Variants in CDH13 observed in about 807,000 individuals in gnomAD.
The protein encoded by CDH13 is cadherin-13.
Under a neutral mutation model 63.8 loss-of-function variants are expected in CDH13, and 24 were observed. The ratio of observed to expected loss-of-function variants is 0.38; its 90% CI spans 0.27 to 0.53. CDH13 has a LOEUF of 0.53. Ranked by LOEUF, CDH13 falls within the 20% of genes least tolerant of loss-of-function variation. The pLI is 0.85. For missense variants in CDH13, 1,049 were observed against 903.1 expected (o/e 1.16, Z -2.07); for synonymous variants, 503 against 355.3 (o/e 1.42, Z -4.67).
At chr16:83,534,314 C>T (rs1598241074) in intron 7 of CDH13, among the ~76,000 whole-genome samples, 2 of 152,316 alleles carry the variant, frequency 1.3e-5, no homozygotes, top group Middle Eastern at 6.8e-3. Context: ...CTTCATTTTT[C>T]AGCTTTGTGA....
chr16:82,729,733 G>T (rs1597422897), intron 1 of CDH13, among the ~76,000 whole-genome samples: 1 of 152,154 alleles, frequency 6.6e-6, no homozygotes. Flanking sequence ...TTGAAGCCAG[G>T]CAGTGACTTC....
chr16:83,568,837 C>T (rs562792869), intron 7 of CDH13, among the ~76,000 whole-genome samples: 2 of 152,166 alleles, frequency 1.3e-5, no homozygotes, highest in African/African-American at 4.8e-5. Flanking sequence ...GCTGTTCTGT[C>T]CTTTGAGGCC....
chr16:82,908,944 T>C (rs2041736312), intron 2 of CDH13, among the ~76,000 whole-genome samples: 1 of 152,178 alleles, frequency 6.6e-6, no homozygotes, highest in African/African-American at 2.4e-5. Flanking sequence ...AGGGTCACTT[T>C]TTCATACACA....
At chr16:83,514,320 C>A (rs1340119809) in intron 7 of CDH13, among the ~76,000 whole-genome samples, 8 of 152,184 alleles carry the variant, frequency 5.3e-5, no homozygotes, top group African/African-American at 1.9e-4. Flanking sequence ...AGGGTAGGCC[C>A]TACGTCCAGT....
intron 5 of CDH13, among the ~76,000 whole-genome samples, chr16:83,304,437 GT>G (rs113551848): frequency 7.3e-5 from 11 of 150,578 alleles, no homozygotes; most frequent in African/African-American, 2.7e-4. Flanking sequence ...TGATTATTCT[GT>G]TTTTTTTTCT....
chr16:83,470,009 C>T (rs1476829554), intron 6 of CDH13, among the ~76,000 whole-genome samples: 1 of 152,192 alleles, frequency 6.6e-6, no homozygotes, highest in East Asian at 1.9e-4. Context: ...TGGCCGTAGT[C>T]TCTGGGTGAT....
intron 2 of CDH13, among the ~76,000 whole-genome samples, chr16:82,972,978 G>T (rs1270194981): frequency 6.6e-6 from 1 of 152,204 alleles, no homozygotes; most frequent in Non-Finnish European, 1.5e-5. Context: ...TTACTTTAAT[G>T]ATTTGTTCTG....
chr16:83,432,638 C>T (rs991355497), intron 6 of CDH13, among the ~76,000 whole-genome samples: 1 of 152,144 alleles, frequency 6.6e-6, no homozygotes, highest in South Asian at 2.1e-4. Flanking sequence ...TGTCACTTCA[C>T]TCTGGGTGGA....
At chr16:82,700,579 C>G (rs1256522748) in intron 1 of CDH13, among the ~76,000 whole-genome samples, 2 of 151,568 alleles carry the variant, frequency 1.3e-5, no homozygotes, top group Admixed American at 6.6e-5. Flanking sequence ...ATGTCCATCC[C>G]CAGGGATTAA....
intron 2 of CDH13, among the ~76,000 whole-genome samples, chr16:82,972,648 G>A (rs58556368): frequency 0.088 from 13,438 of 152,202 alleles, 604 homozygotes; most frequent in African/African-American, 0.11. Flanking sequence ...TGCCTGTCAC[G>A]TGGTAAGCAT....
intron 4 of CDH13, among the ~76,000 whole-genome samples, chr16:83,155,569 A>G (rs2037173575): frequency 6.6e-6 from 1 of 152,094 alleles, no homozygotes; most frequent in African/African-American, 2.4e-5. Flanking sequence ...CAGTGCATAT[A>G]GCTAAAGTCA....
At chr16:83,411,795 A>T (rs962629343) in intron 6 of CDH13, among the ~76,000 whole-genome samples, 1 of 152,220 alleles carries the variant, frequency 6.6e-6, no homozygotes, top group Non-Finnish European at 1.5e-5. Flanking sequence ...CAAGGGTAGG[A>T]AACTAACAAG....
At chr16:83,187,178 C>T (rs2038552705) in intron 4 of CDH13, among the ~76,000 whole-genome samples, 1 of 152,122 alleles carries the variant, frequency 6.6e-6, no homozygotes, top group Non-Finnish European at 1.5e-5. Context: ...ACCATGTTGG[C>T]CTGGCTGGTC....
intron 3 of CDH13, among the ~76,000 whole-genome samples, chr16:83,058,983 G>A (rs1042432681): frequency 2.0e-5 from 3 of 152,042 alleles, no homozygotes; most frequent in Admixed American, 1.3e-4. Flanking sequence ...TGGATGTCCC[G>A]GTTTTACTGT....
intron 6 of CDH13, among the ~76,000 whole-genome samples, chr16:83,374,678 C>G (rs887860576): frequency 6.6e-6 from 1 of 152,154 alleles, no homozygotes; most frequent in Non-Finnish European, 1.5e-5. Flanking sequence ...GCTGTGTGTT[C>G]CTCCATTAGC....
intron 6 of CDH13, among the ~76,000 whole-genome samples, chr16:83,483,466 CTTT>C (rs11327354): frequency 0.02 from 3,010 of 147,088 alleles, 32 homozygotes; most frequent in East Asian, 0.038. Context: ...CCTGAAAGGT[CTTT>C]TTTTTTTTTT....
intron 7 of CDH13, among the ~76,000 whole-genome samples, chr16:83,554,478 C>G (rs1471795568): frequency 6.6e-6 from 1 of 152,184 alleles, no homozygotes; most frequent in African/African-American, 2.4e-5. Context: ...GGAACACGAA[C>G]TTCTGCAAAA....
intron 1 of CDH13, among the ~76,000 whole-genome samples, chr16:82,814,963 T>C (rs1181562859): frequency 1.3e-5 from 2 of 152,186 alleles, no homozygotes; most frequent in Non-Finnish European, 2.9e-5. Context: ...CACTCATACT[T>C]GGTGTCAAAA....
At chr16:83,789,780 C>T (rs1414316055) in intron 13 of CDH13, among the ~76,000 whole-genome samples, 2 of 152,134 alleles carry the variant, frequency 1.3e-5, no homozygotes. Flanking sequence ...CTCTAAGACA[C>T]AGACCAAATC....
Sources: gnomAD v4.1 joint callset for allele counts (sites outside exome capture counted in the v4.1 genomes callset) on GRCh38, gnomAD v4.1.1 for gene constraint, MANE v1.5 for transcripts, NCBI Gene and HGNC (gene_info 2026-07-23, HGNC 2026-07-21) for gene names.